The following CERT1 variants were observed in gnomAD, a reference collection of about 807,000 sequenced individuals.
The protein encoded by CERT1 is ceramide transfer protein.
CERT1 carries 31 observed loss-of-function variants against 87.9 expected under a neutral mutation model. The observed-to-expected ratio is 0.35, with a 90% CI of 0.27 to 0.48. The LOEUF is 0.48. Ranked by LOEUF, CERT1 falls within the 20% of genes least tolerant of loss-of-function variation. CERT1 has a pLI of 0.99. For missense variants in CERT1, 487 were observed against 758.0 expected (o/e 0.64, Z 4.20); for synonymous variants, 289 against 250.9 (o/e 1.15, Z -1.44).
At chr5:75,510,439 A>G (rs1433168952) in intron 1 of CERT1, among the ~76,000 whole-genome samples, 1 of 152,154 alleles carries the variant, frequency 6.6e-6, no homozygotes, top group African/African-American at 2.4e-5. Context: ...CCTTACCGCA[A>G]AAATATTTTA....
intron 2 of CERT1, among the ~76,000 whole-genome samples, chr5:75,483,373 A>C (rs1014045685): frequency 3.9e-5 from 6 of 152,176 alleles, no homozygotes; most frequent in African/African-American, 1.2e-4. Flanking sequence ...TAGCAAGCCT[A>C]CAAGATCTAC....
intron 5 of CERT1, 119 bp downstream of exon 5, chr5:75,425,242 G>A (rs1341430292): frequency 4.4e-6 from 4 of 914,070 alleles, no homozygotes; most frequent in South Asian, 3.9e-5. Context: ...TTCACTGGGG[G>A]TTTGCAGCAA....
Position 75,378,685 on chromosome 5 carries a change from T to A in CERT1, c.*661A>T, listed in dbSNP as rs1371943043. 1 of 152,168 alleles carries A rather than the reference T, an allele frequency of 6.6e-6. No individual in the cohort carries two copies. The highest frequency in any genetic ancestry group is 1.5e-5 in the Non-Finnish European group (1 of 68,032). The allele number at this position is 152,168 out of a possible 1,614,324, so 9.4% of individuals were successfully genotyped here. On this transcript the variant is annotated 3_prime_UTR_variant, in exon 17 of 17. Coordinates refer to ENST00000643780, the MANE Select transcript of CERT1 (RefSeq NM_001379029.1). ...TTGTATAATAGTAAGTATAAACATT[T>A]TAACATTCAAAAATATGTCAGTACA...
chr5:75,381,827 T>C, intron 15 of CERT1, 122 bp downstream of exon 15: 3 of 924,702 alleles, frequency 3.2e-6, no homozygotes, highest in Non-Finnish European at 4.9e-6. Flanking sequence ...CAATCCAACA[T>C]AAAATCTAAG....
chr5:75,455,958 T>C (rs1030977455), intron 3 of CERT1, among the ~76,000 whole-genome samples: 5 of 152,204 alleles, frequency 3.3e-5, no homozygotes, highest in African/African-American at 9.6e-5. Flanking sequence ...AATACAATGA[T>C]TAGTACTTGG....
intron 7 of CERT1, among the ~76,000 whole-genome samples, chr5:75,416,251 A>G (rs767104422): frequency 1.6e-4 from 25 of 152,176 alleles, no homozygotes; most frequent in Admixed American, 3.3e-4. Context: ...CTAGAACTTT[A>G]AGGTATGTTT....
chr5:75,460,606 T>G (rs1408977008), intron 2 of CERT1, among the ~76,000 whole-genome samples: 7 of 152,164 alleles, frequency 4.6e-5, no homozygotes, highest in African/African-American at 9.7e-5. Flanking sequence ...TCAATCAATA[T>G]CCTCTCCTAA....
chr5:75,474,397 G>A (rs893178939), intron 2 of CERT1, among the ~76,000 whole-genome samples: 11 of 152,028 alleles, frequency 7.2e-5, no homozygotes, highest in Non-Finnish European at 8.8e-5. Flanking sequence ...TCTGCGGCTC[G>A]TCCTGCTACA....
At chr5:75,373,332 T>C (rs1196429920), downstream of CERT1, 1 of 152,200 alleles carries the variant, frequency 6.6e-6, no homozygotes. Flanking sequence ...TGAACTTATC[T>C]TGACCATTTT....
chr5:75,439,478 C>G (rs552979525), intron 3 of CERT1, among the ~76,000 whole-genome samples: 1 of 152,118 alleles, frequency 6.6e-6, no homozygotes, highest in South Asian at 2.1e-4. Flanking sequence ...TAAGTAACTT[C>G]CTCATGGTGT....
At chr5:75,401,961 T>C (rs1025174209) in intron 9 of CERT1, 3 of 152,194 alleles carry the variant, frequency 2.0e-5, no homozygotes, top group Non-Finnish European at 2.9e-5. Flanking sequence ...ATAACTAGCA[T>C]AGCTTAAACA....
chr5:75,437,410 C>T (rs1376663374), intron 3 of CERT1, among the ~76,000 whole-genome samples: 1 of 152,104 alleles, frequency 6.6e-6, no homozygotes, highest in Non-Finnish European at 1.5e-5. Flanking sequence ...ACTTGTACTT[C>T]TAAGTCTAAT....
chr5:75,510,293 A>T (rs1767876163), intron 1 of CERT1, among the ~76,000 whole-genome samples: 1 of 152,188 alleles, frequency 6.6e-6, no homozygotes, highest in South Asian at 2.1e-4. Context: ...AAAAACTTAA[A>T]AAAAAAATCC....
At chr5:75,435,568 T>C (rs1039740578) in intron 3 of CERT1, among the ~76,000 whole-genome samples, 31 of 152,232 alleles carry the variant, frequency 2.0e-4, no homozygotes, top group Admixed American at 3.3e-4. Flanking sequence ...CCTTTAATCT[T>C]TGAAGCTGCT....
At chr5:75,486,118 A>G (rs1274304990) in intron 2 of CERT1, among the ~76,000 whole-genome samples, 1 of 152,194 alleles carries the variant, frequency 6.6e-6, no homozygotes, top group East Asian at 1.9e-4. Flanking sequence ...AATACTATCA[A>G]ACTGAATTCA....
At chr5:75,434,127 T>C (rs1763986712) in intron 3 of CERT1, among the ~76,000 whole-genome samples, 1 of 152,078 alleles carries the variant, frequency 6.6e-6, no homozygotes, top group East Asian at 1.9e-4. Context: ...GGCTGTGAGT[T>C]TGTCAAAGAT....
intron 16 of CERT1, among the ~76,000 whole-genome samples, chr5:75,380,555 G>A (rs1305513060): frequency 6.6e-6 from 1 of 151,994 alleles, no homozygotes; most frequent in African/African-American, 2.4e-5. Context: ...TTGGGAGGCC[G>A]AGGTGGGTGG....
rs1268719969 is a variant in CERT1, at chr5:75,426,442, G to T, written c.385C>A (p.Arg129=). The T allele has an allele frequency of 5.0e-6, 8 of 1,613,470 alleles. No homozygotes were observed. The highest frequency in any genetic ancestry group is 4.4e-5 in the South Asian group (4 of 91,048). ...SGYGSESSLR[R]HGSMVSLVSG... ...ACCAGGGACACCATTGAGCCATGTC[G>T]ACGCAAGCTGGATTCAGATCCATAT... Residue 129 remains arginine, a synonymous_variant, in exon 4 of 17, where the codon CGA becomes AGA. Transcript: ENST00000643780.
At chr5:75,461,784 CTG>C (rs1414088748) in intron 2 of CERT1, among the ~76,000 whole-genome samples, 1 of 143,480 alleles carries the variant, frequency 7.0e-6, no homozygotes, top group African/African-American at 2.6e-5. Context: ...TATAGAAAGT[CTG>C]TGAATAACAC....
Sources: allele counts gnomAD v4.1 joint callset (sites outside exome capture counted in the v4.1 genomes callset), GRCh38; gene constraint gnomAD v4.1.1; transcripts MANE v1.5; gene names NCBI Gene and HGNC (gene_info 2026-07-23, HGNC 2026-07-21).